GREB1L: variants seen among roughly 807,000 people sequenced by gnomAD.
GREB1L encodes GREB1-like protein.
In GREB1L, 17 loss-of-function variants were observed where a neutral mutation model predicts 200.8. That is an observed-to-expected ratio of 0.08 (90% CI 0.06 to 0.13). The LOEUF is 0.13. Ranked by LOEUF, GREB1L falls within the 10% of genes least tolerant of loss-of-function variation. The pLI, the probability that GREB1L is intolerant of heterozygous loss-of-function variation, is 1.00. For synonymous variants in GREB1L, 789 were observed against 893.0 expected, an observed-to-expected ratio of 0.88 and a Z score of 2.08; for missense variants, 1,657 against 2,367.7, an observed-to-expected ratio of 0.70 and a Z score of 6.23.
At chr18:21,246,845 G>T (rs2037611619) in intron 1 of GREB1L, among the ~76,000 whole-genome samples, 1 of 152,146 alleles carries the variant, frequency 6.6e-6, no homozygotes, top group Admixed American at 6.6e-5. Context: ...CAGTTTGCTG[G>T]AATTTTACTA....
intron 1 of GREB1L, among the ~76,000 whole-genome samples, chr18:21,270,562 C>T (rs1208104638): frequency 2.6e-5 from 4 of 152,242 alleles, no homozygotes; most frequent in Non-Finnish European, 4.4e-5. Context: ...CACACCCACT[C>T]TTCGAGTGTC....
intron 1 of GREB1L, among the ~76,000 whole-genome samples, chr18:21,304,457 A>G (rs1315943308): frequency 6.6e-6 from 1 of 152,242 alleles, no homozygotes; most frequent in African/African-American, 2.4e-5. Context: ...AGGACATTTA[A>G]AGACACAGTC....
At chr18:21,452,419 C>T (rs1432597762) in intron 14 of GREB1L, 1 of 508,968 alleles carries the variant, frequency 2.0e-6, no homozygotes, top group Admixed American at 3.7e-5. Context: ...TAGTAAAAGT[C>T]TTCTGGAATG....
At chr18:21,279,326 T>C (rs1250092994) in intron 1 of GREB1L, among the ~76,000 whole-genome samples, 1 of 152,114 alleles carries the variant, frequency 6.6e-6, no homozygotes, top group East Asian at 1.9e-4. Context: ...ATAGTTATTA[T>C]TATAATTTCT....
Position 21,500,640 on chromosome 18 carries a change from C to A in GREB1L, c.4070C>A (p.Thr1357Asn). 6.5e-7 allele frequency: 1 copy of A among 1,543,256 alleles called. No homozygotes were observed. Among genetic ancestry groups the A allele is most frequent in the Non-Finnish European group, 8.8e-7 (1 of 1,142,312 alleles). The change falls in exon 23 of 33, where the codon ACC becomes AAC. Residue 1357 changes from threonine (T) to asparagine (N), a missense_variant and splice_region_variant. Coordinates refer to ENST00000424526, the MANE Select transcript of GREB1L (RefSeq NM_001142966.3). ...VDVYDEEEIN[T>N]DHNESSEVSQ... is the part of the protein sequence containing the mutation. ...GTGTATGATGAGGAGGAGATCAACA[C>A]CGGTGAGTGCTGAGCCCAGGGAGTG...
chr18:21,273,590 G>A lies in GREB1L; in HGVS notation c.-120+31197G>A, dbSNP rs545983594. Among the ~76,000 whole-genome samples, 20 of 152,204 alleles carry A rather than the reference G, an allele frequency of 1.3e-4. No individual in the cohort carries two copies. In the East Asian group the frequency reaches 2.3e-3, roughly 18 times the overall value. ...ATTATATAATTAAATGATTTTATTCGTTGGGATGAGGGCTAGAAAAGGTTA... is the reference window on the plus strand; with the variant it reads ...ATTATATAATTAAATGATTTTATTCATTGGGATGAGGGCTAGAAAAGGTTA... On this transcript the variant is annotated intron_variant, in intron 1 of 32. Transcript: ENST00000424526.
chr18:21,454,612 C>A, intron 15 of GREB1L, 49 bp downstream of exon 15: 1 of 1,342,832 alleles, frequency 7.4e-7, no homozygotes, highest in Non-Finnish European at 1.0e-6. Context: ...AGCTTCAGAT[C>A]CCCTCTGCCT....
At chr18:21,346,964 T>A (rs534918489) in intron 1 of GREB1L, among the ~76,000 whole-genome samples, 1 of 152,302 alleles carries the variant, frequency 6.6e-6, no homozygotes, top group Non-Finnish European at 1.5e-5. Flanking sequence ...ATTACCAACC[T>A]ATTTCCACCC....
intron 1 of GREB1L, among the ~76,000 whole-genome samples, chr18:21,352,995 C>T (rs1367250821): frequency 2.0e-5 from 3 of 151,942 alleles, no homozygotes; most frequent in African/African-American, 7.2e-5. Context: ...TCCTGGCTAA[C>T]ACGGTGAAAC....
At chr18:21,318,787 A>T (rs1259731447) in intron 1 of GREB1L, among the ~76,000 whole-genome samples, 4 of 152,086 alleles carry the variant, frequency 2.6e-5, no homozygotes, top group African/African-American at 9.7e-5. Flanking sequence ...CATATATAAA[A>T]CATGCGTAAC....
intron 1 of GREB1L, among the ~76,000 whole-genome samples, chr18:21,352,467 T>A: frequency 6.6e-6 from 1 of 151,910 alleles, no homozygotes. Context: ...TTTTATGCAC[T>A]CTGTTGCCCA....
intron 1 of GREB1L, among the ~76,000 whole-genome samples, chr18:21,321,857 C>T (rs1170260332): frequency 2.0e-5 from 3 of 152,074 alleles, no homozygotes; most frequent in Admixed American, 1.3e-4. Context: ...GTTAAAATTT[C>T]CTTAAAAAAG....
At chr18:21,405,970 A>G (rs2030164962) in intron 7 of GREB1L, among the ~76,000 whole-genome samples, 1 of 151,780 alleles carries the variant, frequency 6.6e-6, no homozygotes, top group African/African-American at 2.4e-5. Flanking sequence ...CATCTCTACT[A>G]AAAATACAAA....
Position 21,468,775 on chromosome 18 carries a change from C to T in GREB1L, c.2183-4256C>T, listed in dbSNP as rs755910427. 47 of 456,660 alleles carry T rather than the reference C, an allele frequency of 1.0e-4. 1 individual carries two copies. The highest frequency in any genetic ancestry group is 6.0e-4 in the South Asian group (39 of 64,546). The allele number at this position is 456,660 out of a possible 1,614,324, so 28.3% of individuals were successfully genotyped here. A position where few individuals can be genotyped will look rare whatever the true frequency, so the allele number is the denominator to read the frequency against. ...CATTCAGTTATGTCCTCTTCATCTC[C>T]TGCAATCTATGACATTTCTTCAGTC... On this transcript the variant is annotated intron_variant, in intron 15 of 32. Transcript: ENST00000424526.
chr18:21,396,616 A>G (rs2041077781), intron 5 of GREB1L, among the ~76,000 whole-genome samples: 1 of 152,170 alleles, frequency 6.6e-6, no homozygotes, highest in Non-Finnish European at 1.5e-5. Context: ...ATTTCTATCT[A>G]TACTTGTGTG....
chr18:21,507,353 G>A (rs962541232), intron 25 of GREB1L, among the ~76,000 whole-genome samples: 3 of 152,162 alleles, frequency 2.0e-5, no homozygotes, highest in Non-Finnish European at 2.9e-5. Flanking sequence ...GGGAAGAAGT[G>A]TAATGTTATT....
intron 1 of GREB1L, among the ~76,000 whole-genome samples, chr18:21,328,585 AG>A (rs1379032258): frequency 6.6e-6 from 1 of 152,102 alleles, no homozygotes; most frequent in Non-Finnish European, 1.5e-5. Context: ...TCACTTGCTC[AG>A]GGGGGTCTAT....
chr18:21,498,751 C>T (rs534405206), intron 21 of GREB1L, among the ~76,000 whole-genome samples: 2 of 152,278 alleles, frequency 1.3e-5, no homozygotes, highest in South Asian at 2.1e-4. Flanking sequence ...GGTTCACTGC[C>T]CAGAATGCAC....
intron 2 of GREB1L, among the ~76,000 whole-genome samples, chr18:21,382,711 A>C (rs2040373395): frequency 6.6e-6 from 1 of 151,958 alleles, no homozygotes; most frequent in African/African-American, 2.4e-5. Context: ...GGCTGGTCGC[A>C]ATCTCCTGAC....
Sources: gnomAD v4.1 joint callset for allele counts (sites outside exome capture counted in the v4.1 genomes callset) on GRCh38, gnomAD v4.1.1 for gene constraint, MANE v1.5 for transcripts, NCBI Gene and HGNC (gene_info 2026-07-23, HGNC 2026-07-21) for gene names.